GAD2: variants seen among roughly 807,000 people sequenced by gnomAD.
GAD2 encodes the protein glutamate decarboxylase 2.
Under a neutral mutation model 80.1 loss-of-function variants are expected in GAD2, and 22 were observed. The observed-to-expected ratio is 0.27, with a 90% confidence interval of 0.20 to 0.39. GAD2 has a LOEUF of 0.39. GAD2 is among the 10% of genes least tolerant of loss of function. The pLI is 1.00. For synonymous variants in GAD2, 274 were observed against 256.9 expected, an observed-to-expected ratio of 1.07 and a Z score of -0.64; for missense variants, 624 against 738.4, an observed-to-expected ratio of 0.85 and a Z score of 1.80.
chr10:26,264,807 G>A (rs972004307), intron 8 of GAD2, among the ~76,000 whole-genome samples: 4 of 152,188 alleles, frequency 2.6e-5, no homozygotes, highest in Non-Finnish European at 5.9e-5. Flanking sequence ...TTTCTAGCAG[G>A]AAGGATGTAC....
At chr10:26,230,914 C>T (rs1409075619) in intron 7 of GAD2, among the ~76,000 whole-genome samples, 1 of 152,000 alleles carries the variant, frequency 6.6e-6, no homozygotes, top group East Asian at 1.9e-4. Flanking sequence ...ATGGTGAAAC[C>T]TCATCTCTAC....
At chr10:26,275,989 A>G (rs921594879) in intron 11 of GAD2, among the ~76,000 whole-genome samples, 2 of 152,012 alleles carry the variant, frequency 1.3e-5, no homozygotes, top group Non-Finnish European at 2.9e-5. Context: ...CATCTCTACA[A>G]AAAGAATTTG....
intron 8 of GAD2, among the ~76,000 whole-genome samples, chr10:26,247,919 G>GAAAAAA (rs57365924): frequency 7.6e-6 from 1 of 130,952 alleles, no homozygotes. Context: ...AAAAGGAAAA[G>GAAAAAA]AAAAAAAAAA....
At chr10:26,293,642 CAA>C (rs1457122888) in intron 15 of GAD2, among the ~76,000 whole-genome samples, 1 of 152,194 alleles carries the variant, frequency 6.6e-6, no homozygotes, top group Non-Finnish European at 1.5e-5. Context: ...GTTACAAGCA[CAA>C]AAGAGACTTT....
At chr10:26,223,834 G>T (rs2132272069) in intron 4 of GAD2, 53 bp from the exon 5 acceptor site, 1 of 1,146,466 alleles carries the variant, frequency 8.7e-7, no homozygotes, top group South Asian at 1.3e-5. Context: ...GTGTTTGAGA[G>T]GCATTTATTT....
intron 8 of GAD2, among the ~76,000 whole-genome samples, chr10:26,258,856 G>A (rs975252285): frequency 4.0e-5 from 6 of 150,130 alleles, no homozygotes; most frequent in Admixed American, 6.7e-5. Flanking sequence ...CTCTGTCACC[G>A]AGGCTGGAGT....
At chr10:26,265,112 A>T (rs1037482772) in intron 8 of GAD2, among the ~76,000 whole-genome samples, 1 of 152,032 alleles carries the variant, frequency 6.6e-6, no homozygotes, top group South Asian at 2.1e-4. Context: ...CCACAAAGAG[A>T]AGATGTTTCC....
At chr10:26,294,275 T>G (rs1231497823) in intron 15 of GAD2, among the ~76,000 whole-genome samples, 1 of 152,236 alleles carries the variant, frequency 6.6e-6, no homozygotes, top group Non-Finnish European at 1.5e-5. Context: ...GGGAACACTT[T>G]AGTTCCTTCT....
Position 26,300,908 on chromosome 10 carries a change from C to T in GAD2, c.1705C>T (p.Gln569Ter), listed in dbSNP as rs1386313996. 1 of 1,613,910 alleles carries T rather than the reference C, an allele frequency of 6.2e-7. No homozygotes were observed. The highest frequency in any genetic ancestry group is 8.5e-7 in the Non-Finnish European group (1 of 1,179,846). The change falls in exon 16 of 16, where the codon CAA becomes TAA. Residue 569 changes from glutamine (Q) to a stop codon, truncating the protein, a stop_gained. Coordinates refer to ENST00000376261, the MANE Select transcript of GAD2 (RefSeq NM_001134366.2). LOFTEE classifies it high-confidence loss of function. ...MVISNPAATH[Q>*]DIDFLIEEIE... ...CATCTCAAACCCAGCGGCAACTCAC[C>T]AAGACATTGACTTCCTGATTGAAGA...
chr10:26,303,457 AGGGAG>A lies in GAD2; in HGVS notation c.*2499_*2503del, dbSNP rs1834348662. Reference sequence around the variant, plus strand: ...GAGTAAGGGAGGAAGGGAGGGAGGGAGGGAGGGAGGGAAGGAGGGAGGGAGGAAGG... The same window carrying A: ...GAGTAAGGGAGGAAGGGAGGGAGGGAGGAGGGAAGGAGGGAGGGAGGAAGG... On this transcript the variant is annotated 3_prime_UTR_variant, in exon 16 of 16. Transcript: ENST00000376261. The A allele has an allele frequency of 1.2e-5, 1 of 83,942 alleles. No homozygotes were observed. Among genetic ancestry groups the A allele is most frequent in the Non-Finnish European group, 2.9e-5 (1 of 34,160 alleles). The allele number at this position is 83,942 out of a possible 1,614,324, so 5.2% of individuals were successfully genotyped here.
At chr10:26,265,202 C>A (rs7922748) in intron 8 of GAD2, among the ~76,000 whole-genome samples, 1 of 143,536 alleles carries the variant, frequency 7.0e-6, no homozygotes, top group East Asian at 2.1e-4. Flanking sequence ...TAGCATCATA[C>A]GACTTTTTTT....
chr10:26,294,620 G>A (rs2132321823), intron 15 of GAD2, among the ~76,000 whole-genome samples: 1 of 152,258 alleles, frequency 6.6e-6, no homozygotes, highest in Non-Finnish European at 1.5e-5. Context: ...CTGATCTAGA[G>A]GAAAAAATGG....
At chr10:26,290,673 A>G (rs1391050733) in intron 13 of GAD2, among the ~76,000 whole-genome samples, 1 of 152,226 alleles carries the variant, frequency 6.6e-6, no homozygotes, top group African/African-American at 2.4e-5. Context: ...TTATAAAAGC[A>G]TTTCAAGAAG....
At chr10:26,282,132 A>G (rs1001737854) in intron 12 of GAD2, among the ~76,000 whole-genome samples, 1 of 121,746 alleles carries the variant, frequency 8.2e-6, no homozygotes, top group Non-Finnish European at 1.6e-5. Flanking sequence ...TAGTAGAGAC[A>G]GGGTTTTCAC....
At chr10:26,259,596 C>A (rs1186625638) in intron 8 of GAD2, among the ~76,000 whole-genome samples, 1 of 151,980 alleles carries the variant, frequency 6.6e-6, no homozygotes, top group African/African-American at 2.4e-5. Flanking sequence ...CTTCTTTATT[C>A]TAGATATTAA....
At chr10:26,240,236 T>C (rs576970544) in intron 7 of GAD2, among the ~76,000 whole-genome samples, 1 of 152,358 alleles carries the variant, frequency 6.6e-6, no homozygotes, top group Non-Finnish European at 1.5e-5. Context: ...GAGCTCATGC[T>C]GCACCCTCCA....
At chr10:26,296,528 T>C (rs1834275002) in intron 15 of GAD2, among the ~76,000 whole-genome samples, 2 of 152,150 alleles carry the variant, frequency 1.3e-5, no homozygotes, top group African/African-American at 4.8e-5. Context: ...ATCTTGCAGA[T>C]GGCGCTTTGT....
chr10:26,227,823 C>T (rs1379955444), intron 6 of GAD2, among the ~76,000 whole-genome samples: 1 of 152,232 alleles, frequency 6.6e-6, no homozygotes, highest in Non-Finnish European at 1.5e-5. Context: ...GCCTTTCACA[C>T]CGGGTGTCTG....
At chr10:26,224,725 T>A in intron 6 of GAD2, 74 bp downstream of exon 6, 1 of 1,101,696 alleles carries the variant, frequency 9.1e-7, no homozygotes, top group Non-Finnish European at 1.4e-6. Context: ...TAGGGAAGAT[T>A]AAAAATCTAG....
Sources: gnomAD v4.1 joint callset for allele counts (sites outside exome capture counted in the v4.1 genomes callset) on GRCh38, gnomAD v4.1.1 for gene constraint, MANE v1.5 for transcripts, NCBI Gene and HGNC (gene_info 2026-07-23, HGNC 2026-07-21) for gene names.